The following DNAI4 variants were observed in gnomAD, a reference collection of about 807,000 sequenced individuals.
The protein encoded by DNAI4 is WD repeat domain 78.
In DNAI4, 85 loss-of-function variants were observed where a neutral mutation model predicts 105.8. That is an observed-to-expected ratio of 0.80 (90% CI 0.67 to 0.96). The LOEUF (loss-of-function observed/expected upper bound fraction) is 0.96. Among genes scored for constraint, DNAI4 ranks in the 40% least tolerant of loss-of-function variants. The pLI is 0.00. For synonymous variants in DNAI4, 352 were observed against 331.5 expected, an observed-to-expected ratio of 1.06 and a Z score of -0.67; for missense variants, 1,014 against 1,005.6, an observed-to-expected ratio of 1.01 and a Z score of -0.11.
intron 7 of DNAI4, among the ~76,000 whole-genome samples, chr1:66,850,595 G>A (rs942769456): frequency 3.3e-5 from 5 of 151,990 alleles, no homozygotes; most frequent in East Asian, 1.9e-4. Context: ...TCTTCATTAC[G>A]ATTGACAGTT....
rs557896035 is a variant in DNAI4 at position 66,907,432 on chromosome 1, TAACATTTTG to T, written c.171-2066_171-2058del. 1.3e-3 allele frequency among the ~76,000 whole-genome samples: 201 copies of T among 152,316 alleles called. 1 individual carries two copies. The highest frequency in any genetic ancestry group is 4.7e-3 in the African/African-American group (194 of 41,580). ...TCAACTCTCTCATTCTCTTCCTCCT[TAACATTTTG>T]CCCTACTATCCTTACAAAATCCGGT... On this transcript the variant is annotated intron_variant, in intron 1 of 16. Coordinates refer to ENST00000371026, the MANE Select transcript of DNAI4 (RefSeq NM_024763.5).
intron 16 of DNAI4, among the ~76,000 whole-genome samples, chr1:66,821,954 C>G (rs938253782): frequency 6.6e-6 from 1 of 152,012 alleles, no homozygotes; most frequent in African/African-American, 2.4e-5. Context: ...GCTAATCCAA[C>G]AGAAATAAAT....
rs542347390 is a variant in DNAI4, at chr1:66,897,467, T to C, written c.346-4054A>G. ...AGAAACCATTTGCTAAGGAGTTTAG[T>C]ACAGATAGAAGGGATCATAAAGACA... On this transcript the variant is annotated intron_variant, in intron 2 of 16. Transcript: ENST00000371026. Among the ~76,000 whole-genome samples, 200 of 152,252 alleles carry C rather than the reference T, an allele frequency of 1.3e-3. 1 individual carries two copies. Among genetic ancestry groups the C allele is most frequent in the African/African-American group, 4.5e-3 (185 of 41,530 alleles).
intron 3 of DNAI4, among the ~76,000 whole-genome samples, chr1:66,892,950 G>GAAGAAAGAGAAGA (rs1553227438): frequency 1.8e-4 from 17 of 91,970 alleles, no homozygotes; most frequent in African/African-American, 5.8e-4. Flanking sequence ...AGAAGAAAGA[G>GAAGAAAGAGAAGA]AAGAAAGAAA....
At chr1:66,849,813 T>G (rs905837237) in intron 7 of DNAI4, among the ~76,000 whole-genome samples, 1 of 151,576 alleles carries the variant, frequency 6.6e-6, no homozygotes, top group Non-Finnish European at 1.5e-5. Context: ...AACAGCAGAA[T>G]GGAAGAAAAA....
At chr1:66,853,609 C>G (rs1295117322) in intron 7 of DNAI4, among the ~76,000 whole-genome samples, 29 of 152,204 alleles carry the variant, frequency 1.9e-4, no homozygotes, top group Non-Finnish European at 7.4e-5. Context: ...GCACTCTGAT[C>G]TCGAACTTCT....
In DNAI4 at chr1:66,813,933, C is replaced by A. The variant is rs575811036; in HGVS notation, c.*197G>T. ...AAAAATTAAGAAAATTCCACTGAAACTCTTAAGAATAACTCTTAGATTGTA... is the reference window on the plus strand; with the variant it reads ...AAAAATTAAGAAAATTCCACTGAAAATCTTAAGAATAACTCTTAGATTGTA... On this transcript the variant is annotated 3_prime_UTR_variant, in exon 17 of 17. Coordinates refer to ENST00000371026, the MANE Select transcript of DNAI4 (RefSeq NM_024763.5). 3 of 459,556 alleles carry A rather than the reference C, an allele frequency of 6.5e-6. No homozygotes were observed. Among genetic ancestry groups the A allele is most frequent in the South Asian group, 4.6e-5 (1 of 21,848 alleles). 28.5% of individuals were successfully genotyped at this position (459,556 alleles called of 1,614,324 possible).
rs769034927 is a variant in DNAI4 at position 66,924,684 on chromosome 1, G to A, written c.148C>T (p.His50Tyr). 2 of 1,614,226 alleles carry A rather than the reference G, an allele frequency of 1.2e-6. No individual in the cohort carries two copies. The highest frequency in any genetic ancestry group is 1.1e-5 in the South Asian group (1 of 91,082). Residue 50 changes from histidine (H) to tyrosine (Y), a missense_variant, in exon 1 of 17, where the codon CAC becomes TAC. Physicochemically the swap from His to Tyr is moderately conservative, Grantham distance 83. Coordinates refer to ENST00000371026, the MANE Select transcript of DNAI4 (RefSeq NM_024763.5). The stretch of plus-strand genomic sequence containing the variant: ...TACAACCCGAAGTTCTGCTGCTTGT[G>A]ACTGCCTGCCGGAGAGACTGGCATG... ...ATMPVSPAGS[H>Y]KQQNFGLNNA...
At chr1:66,840,213 T>C (rs1646120133) in intron 9 of DNAI4, among the ~76,000 whole-genome samples, 2 of 152,196 alleles carry the variant, frequency 1.3e-5, no homozygotes, top group East Asian at 3.8e-4. Context: ...GTCTCAAGTA[T>C]ATCCCCTAAA....
intron 16 of DNAI4, among the ~76,000 whole-genome samples, chr1:66,814,560 C>T (rs577826029): frequency 1.3e-5 from 2 of 152,006 alleles, no homozygotes; most frequent in East Asian, 1.9e-4. Flanking sequence ...AGTAGAGATA[C>T]GGTTTCACTG....
chr1:66,842,984 G>A (rs1156914997), intron 8 of DNAI4, among the ~76,000 whole-genome samples: 2 of 152,086 alleles, frequency 1.3e-5, no homozygotes, highest in African/African-American at 4.8e-5. Flanking sequence ...GGTAGCTTGA[G>A]TTCAGGAGTT....
chr1:66,827,395 A>G (rs1645777565), intron 14 of DNAI4, among the ~76,000 whole-genome samples: 2 of 152,176 alleles, frequency 1.3e-5, no homozygotes, highest in African/African-American at 4.8e-5. Flanking sequence ...GTTTGCCTGT[A>G]GTCCCAGCTG....
chr1:66,851,004 A>G (rs946029345), intron 7 of DNAI4, among the ~76,000 whole-genome samples: 15 of 152,010 alleles, frequency 9.9e-5, no homozygotes, highest in Admixed American at 2.6e-4. Context: ...CGAATAAAAA[A>G]TTAAATACAA....
At position 66,891,612 on chromosome 1, in the gene DNAI4, C is replaced by T. The variant is rs541771511; in HGVS notation, c.531-346G>A. Among the ~76,000 whole-genome samples, 81 of 152,318 alleles carry T rather than the reference C, an allele frequency of 5.3e-4. 1 individual carries two copies. The South Asian group carries it at 0.012, about 23-fold the overall frequency. On this transcript the variant is annotated intron_variant, in intron 3 of 16. Transcript: ENST00000371026. ...GAGTGGCTGGGATTACAGGCTTGCG[C>T]CACCACGTCCAGCTAATTTTTTTGT...
intron 7 of DNAI4, among the ~76,000 whole-genome samples, chr1:66,854,878 G>A (rs548985307): frequency 6.6e-6 from 1 of 152,226 alleles, no homozygotes; most frequent in East Asian, 1.9e-4. Flanking sequence ...AATAAATGGA[G>A]AGACATTCCA....
rs1646667964 is a variant in DNAI4 at position 66,863,401 on chromosome 1, T to A, written c.941-1099A>T. The stretch of plus-strand genomic sequence containing the variant: ...CTAATACAAAATGGAGGAGCTCTAG[T>A]AAAGCAATGTTTTCAATCGGTAATA... On this transcript the variant is annotated intron_variant, in intron 6 of 16. Transcript: ENST00000371026. 2.6e-5 allele frequency among the ~76,000 whole-genome samples: 4 copies of A among 152,186 alleles called. No homozygotes were observed. In the South Asian group the frequency reaches 8.3e-4, roughly 32 times the overall value.
chr1:66,863,129 C>T (rs956171213), intron 6 of DNAI4, among the ~76,000 whole-genome samples: 6 of 152,108 alleles, frequency 3.9e-5, no homozygotes, highest in Admixed American at 6.6e-5. Flanking sequence ...GGTTTGCAAA[C>T]AAATATTGGC....
At chr1:66,822,076 A>G (rs893735391) in intron 16 of DNAI4, among the ~76,000 whole-genome samples, 2 of 152,084 alleles carry the variant, frequency 1.3e-5, no homozygotes, top group African/African-American at 4.8e-5. Context: ...TTAAGTCCCA[A>G]TTACATACTA....
At chr1:66,836,200 GAAA>G (rs1557908210) in intron 10 of DNAI4, among the ~76,000 whole-genome samples, 1 of 52,186 alleles carries the variant, frequency 1.9e-5, no homozygotes, top group Non-Finnish European at 4.3e-5. Context: ...AAGAAAGAAA[GAAA>G]GAAAGAGAGA....
Sources: gnomAD v4.1 joint callset for allele counts (sites outside exome capture counted in the v4.1 genomes callset) on GRCh38, gnomAD v4.1.1 for gene constraint, MANE v1.5 for transcripts, NCBI Gene and HGNC (gene_info 2026-07-23, HGNC 2026-07-21) for gene names.